Variants in ROR1 observed in about 807,000 individuals in gnomAD.
ROR1 encodes ROR family WNT receptor 1, also known as inactive tyrosine-protein kinase transmembrane receptor ROR1.
In ROR1, 19 loss-of-function variants were observed where a neutral mutation model predicts 78.8. The ratio of observed to expected loss-of-function variants is 0.24; its 90% confidence interval spans 0.17 to 0.35. The LOEUF is 0.35. Among genes scored for constraint, ROR1 ranks in the 10% least tolerant of loss-of-function variants. The pLI is 1.00. For missense variants in ROR1, 917 were observed against 1,177.8 expected, an observed-to-expected ratio of 0.78 and a Z score of 3.24; for synonymous variants, 386 against 433.6, an observed-to-expected ratio of 0.89 and a Z score of 1.36.
In ROR1 at chr1:64,178,686, T is replaced by C. The variant is rs1468493053; in HGVS notation, c.2645T>C (p.Ile882Thr). Residue 882 changes from isoleucine to threonine, a missense_variant, in exon 9 of 9, where the codon ATT becomes ACT. By Grantham distance (89) the Ile-to-Thr change is moderately conservative (BLOSUM62 -1). Around this residue, in one of 3 missense-constraint regions of ROR1, gnomAD observed 835 missense variants for 1,069.8 expected, o/e 0.78. Transcript: ENST00000371079. This position sits in a 1 kb window ranked among gnomAD's most constrained non-coding sequence, Gnocchi z 4.3. Reference sequence around the variant, plus strand: ...TCAGGATCCAATCAGGAAGCAAATATTCCTTTACTACCACACATGTCAATT... The same window carrying C: ...TCAGGATCCAATCAGGAAGCAAATACTCCTTTACTACCACACATGTCAATT... Reference protein sequence around the residue: ...PSSGSNQEANIPLLPHMSIPN... With the variant: ...PSSGSNQEANTPLLPHMSIPN... 6.2e-7 allele frequency: 1 copy of C among 1,614,118 alleles called. No homozygotes were observed. The highest frequency in any genetic ancestry group is 8.5e-7 in the Non-Finnish European group (1 of 1,180,032).
intron 2 of ROR1, among the ~76,000 whole-genome samples, chr1:64,031,177 T>C (rs1646656922): frequency 6.6e-6 from 1 of 152,218 alleles, no homozygotes. Flanking sequence ...TTCTGTCAGT[T>C]AGTATTTATG....
intron 1 of ROR1, among the ~76,000 whole-genome samples, chr1:63,833,990 C>CTTT (rs71056008): frequency 8.1e-4 from 107 of 131,974 alleles, no homozygotes; most frequent in African/African-American, 1.0e-3. Flanking sequence ...TCTTCTTCTT[C>CTTT]TTTTTTTTTT....
chr1:64,026,313 G>A lies in ROR1; in HGVS notation c.163+16937G>A, dbSNP rs374184657. Among the ~76,000 whole-genome samples, 32 of 152,280 alleles carry A rather than the reference G, an allele frequency of 2.1e-4. 2 individuals carry two copies. The highest frequency in any genetic ancestry group is 1.1e-3 in the Admixed American group (17 of 15,284). On this transcript the variant is annotated intron_variant, in intron 2 of 8. Transcript: ENST00000371079. ...TTTGAGCTATAGTTTTATCATCTAT[G>A]AAATGGGGGTTCAAAAATTACTATT...
intron 1 of ROR1, among the ~76,000 whole-genome samples, chr1:63,790,770 A>AT (rs1421506992): frequency 6.6e-6 from 1 of 152,032 alleles, no homozygotes; most frequent in East Asian, 1.9e-4. Context: ...TTTCTCAGGA[A>AT]TTTTGAAAGA....
In ROR1 at chr1:64,142,812, C is replaced by T. The variant is rs142897199; in HGVS notation, c.1174+162C>T. The T allele has an allele frequency of 8.2e-4, 1,183 of 1,436,760 alleles. 8 individuals carry two copies. In the African/African-American group the frequency reaches 0.015, roughly 18 times the overall value. The allele number at this position is 1,436,760 out of a possible 1,614,324, so 89.0% of individuals were successfully genotyped here. ...TAAACCTTGCCGTTTCTACATAAAA[C>T]ACCTCGTAAGGTACCAAAACACGTT... On this transcript the variant is annotated intron_variant, in intron 7 of 8. Coordinates refer to ENST00000371079, the MANE Select transcript of ROR1 (RefSeq NM_005012.4).
chr1:64,030,482 T>C (rs1003755239), intron 2 of ROR1, among the ~76,000 whole-genome samples: 1 of 152,210 alleles, frequency 6.6e-6, no homozygotes, highest in African/African-American at 2.4e-5. Context: ...TTCCCATCTT[T>C]TATAGATGAG....
chr1:64,082,159 C>G (rs553017929), intron 4 of ROR1, among the ~76,000 whole-genome samples: 7 of 152,150 alleles, frequency 4.6e-5, no homozygotes, highest in African/African-American at 1.7e-4. Context: ...AGAGCCAAGG[C>G]TTGAACCCTG....
rs573453757 is a variant in ROR1 at position 64,178,627 on chromosome 1, G to T, written c.2586G>T (p.Ser862=). The T allele has an allele frequency of 1.7e-5, 28 of 1,614,094 alleles. No homozygotes were observed. The Admixed American group carries it at 1.8e-4, about 11-fold the overall frequency. Residue 862 remains serine, a synonymous_variant, in exon 9 of 9, where the codon TCG becomes TCT. Coordinates refer to ENST00000371079, the MANE Select transcript of ROR1 (RefSeq NM_005012.4). The surrounding 1 kb of genome is among the most constrained non-coding windows in gnomAD (Gnocchi z 4.3). ...GGTCCCCAAGCAGTGCCAGTGGGTC[G>T]ACTAGCACTGGCCATGTGACTAGCT... ...KSRSPSSASG[S]TSTGHVTSLP...
chr1:64,105,728 C>T (rs534985949), intron 4 of ROR1: 31 of 152,168 alleles, frequency 2.0e-4, no homozygotes, highest in Admixed American at 5.9e-4. Context: ...ATTTCCCGAT[C>T]GCTTGTTTTT....
At chr1:64,024,429 C>G (rs952498465) in intron 2 of ROR1, among the ~76,000 whole-genome samples, 1 of 151,798 alleles carries the variant, frequency 6.6e-6, no homozygotes, top group Non-Finnish European at 1.5e-5. Flanking sequence ...TGCAGTGAGC[C>G]GAGATTGCAC....
intron 4 of ROR1, among the ~76,000 whole-genome samples, chr1:64,121,256 T>C (rs1342704425): frequency 1.3e-5 from 1 of 77,792 alleles, no homozygotes; most frequent in Non-Finnish European, 2.8e-5. Flanking sequence ...CTTCCTTCCT[T>C]CCATCCTCCT....
chr1:63,929,970 TTTATTA>T (rs888751195), intron 1 of ROR1, among the ~76,000 whole-genome samples: 8 of 152,180 alleles, frequency 5.3e-5, no homozygotes, highest in Non-Finnish European at 1.2e-4. Flanking sequence ...AGGACTTTTT[TTTATTA>T]TTATTATTAT....
At chr1:63,998,067 G>A (rs1175371718) in intron 1 of ROR1, among the ~76,000 whole-genome samples, 1 of 152,086 alleles carries the variant, frequency 6.6e-6, no homozygotes, top group African/African-American at 2.4e-5. Context: ...ACAACACAAA[G>A]CTGACACCTT....
intron 2 of ROR1, among the ~76,000 whole-genome samples, chr1:64,018,292 C>T (rs574969629): frequency 5.3e-5 from 8 of 152,290 alleles, no homozygotes; most frequent in African/African-American, 1.9e-4. Flanking sequence ...CCCTCAGTTT[C>T]CTGCTTCTCC....
chr1:64,129,422 A>T (rs538212957), intron 4 of ROR1, among the ~76,000 whole-genome samples: 2 of 152,328 alleles, frequency 1.3e-5, no homozygotes, highest in African/African-American at 4.8e-5. Flanking sequence ...AAGTCCCATT[A>T]TTCTTAATAG....
intron 1 of ROR1, among the ~76,000 whole-genome samples, chr1:63,992,293 C>G (rs761808051): frequency 6.6e-6 from 1 of 151,884 alleles, no homozygotes; most frequent in Non-Finnish European, 1.5e-5. Flanking sequence ...CTGCAACTTC[C>G]GACTCCCTGG....
intron 1 of ROR1, among the ~76,000 whole-genome samples, chr1:63,944,905 T>A (rs1373806252): frequency 1.3e-5 from 2 of 152,212 alleles, no homozygotes. Flanking sequence ...AAGGATAAAA[T>A]GACCTAATTC....
chr1:63,810,698 G>T (rs1011794085), intron 1 of ROR1, among the ~76,000 whole-genome samples: 3 of 152,196 alleles, frequency 2.0e-5, no homozygotes, highest in Non-Finnish European at 2.9e-5. Flanking sequence ...AGGTATCCAC[G>T]TATGCAAAGG....
chr1:63,897,022 G>A (rs1011152408), intron 1 of ROR1, among the ~76,000 whole-genome samples: 4 of 152,148 alleles, frequency 2.6e-5, no homozygotes, highest in African/African-American at 9.7e-5. Context: ...GTCATAAAAA[G>A]TCAAGCTGTT....
Sources: gnomAD v4.1 joint callset for allele counts (sites outside exome capture counted in the v4.1 genomes callset) on GRCh38, gnomAD v4.1.1 for gene constraint, gnomAD v4.1.1 regional missense constraint, Gnocchi (gnomAD v3.1) non-coding constraint, MANE v1.5 for transcripts, NCBI Gene and HGNC (gene_info 2026-07-23, HGNC 2026-07-21) for gene names.